CNTN5: variants seen among roughly 807,000 people sequenced by gnomAD.
CNTN5 encodes the protein contactin 5, also known as contactin-5.
Under a neutral mutation model 129.1 loss-of-function variants are expected in CNTN5, and 77 were observed. That is an observed-to-expected ratio of 0.60 (90% CI 0.50 to 0.72). The LOEUF (loss-of-function observed/expected upper bound fraction) is 0.72. Among genes scored for constraint, CNTN5 ranks in the 30% least tolerant of loss-of-function variants. The probability of loss-of-function intolerance (pLI) is 0.00; values close to 1 mark genes in which losing one functional copy is unlikely to be tolerated. For synonymous variants in CNTN5, 509 were observed against 465.6 expected (o/e 1.09, Z -1.20); for missense variants, 1,478 against 1,328.8 (o/e 1.11, Z -1.75).
At chr11:99,869,100 A>G (rs1948433294) in intron 6 of CNTN5, among the ~76,000 whole-genome samples, 1 of 152,032 alleles carries the variant, frequency 6.6e-6, no homozygotes, top group Non-Finnish European at 1.5e-5. Context: ...AAAAAATAAA[A>G]CTCGTTTTAC....
At chr11:99,357,845 ACT>A (rs1938790119) in intron 2 of CNTN5, among the ~76,000 whole-genome samples, 1 of 149,970 alleles carries the variant, frequency 6.7e-6, no homozygotes, top group Non-Finnish European at 1.5e-5. Flanking sequence ...CAATATTAAG[ACT>A]CTACTAGTGT....
intron 1 of CNTN5, among the ~76,000 whole-genome samples, chr11:99,026,212 A>G (rs1863100532): frequency 6.6e-6 from 1 of 151,632 alleles, no homozygotes; most frequent in South Asian, 2.1e-4. Context: ...CCCCAAATAT[A>G]TCTGAAAACA....
chr11:99,163,227 T>C (rs11218595), intron 1 of CNTN5, among the ~76,000 whole-genome samples: 16,194 of 152,192 alleles, frequency 0.11, 1,100 homozygotes, highest in East Asian at 0.35. Flanking sequence ...TTAATTTTAC[T>C]GAGATATGAC....
chr11:99,393,253 G>A (rs1941356087), intron 2 of CNTN5, among the ~76,000 whole-genome samples: 1 of 151,774 alleles, frequency 6.6e-6, no homozygotes, highest in Non-Finnish European at 1.5e-5. Context: ...GAAATTGGGT[G>A]TTGCAGCAAT....
chr11:99,872,144 A>G (rs1948519358), intron 6 of CNTN5, among the ~76,000 whole-genome samples: 1 of 152,152 alleles, frequency 6.6e-6, no homozygotes, highest in South Asian at 2.1e-4. Context: ...ATATCAAACA[A>G]AACATTTTGT....
intron 13 of CNTN5, among the ~76,000 whole-genome samples, chr11:100,078,309 A>G (rs1944225974): frequency 6.6e-6 from 1 of 152,172 alleles, no homozygotes; most frequent in Non-Finnish European, 1.5e-5. Flanking sequence ...GACTTTTAGA[A>G]AAAAATATGA....
At position 99,204,276 on chromosome 11, in the gene CNTN5, C is replaced by G. The variant is rs980019074; in HGVS notation, c.-209-121070C>G. Among the ~76,000 whole-genome samples the G allele has an allele frequency of 4.1e-4, 63 of 152,292 alleles. 1 individual carries two copies. The highest frequency in any genetic ancestry group is 1.5e-3 in the African/African-American group (62 of 41,554). ...TAAAGCAGTGTTTTTAAATTCTTGA[C>G]AGAATGGAGACAGAAAAACCATACA... On this transcript the variant is annotated intron_variant, in intron 1 of 24. Coordinates refer to ENST00000524871, the MANE Select transcript of CNTN5 (RefSeq NM_014361.4).
At chr11:99,600,484 C>T (rs540668078) in intron 3 of CNTN5, among the ~76,000 whole-genome samples, 8 of 152,224 alleles carry the variant, frequency 5.3e-5, no homozygotes, top group African/African-American at 1.9e-4. Context: ...ACTAACTTTG[C>T]CCACTTCAGC....
In CNTN5 at chr11:99,636,638, GTTC is replaced by G. The variant is rs1320899526; in HGVS notation, c.55+80374_55+80376del. On this transcript the variant is annotated intron_variant, in intron 3 of 24. Transcript: ENST00000524871. ...GACCAAGTCACTGTTAGTTGCCTGTGTTCTTCTACTAAAGGCCAAAACTTGATC... is the reference window on the plus strand; with the variant it reads ...GACCAAGTCACTGTTAGTTGCCTGTGTTCTACTAAAGGCCAAAACTTGATC... 3.3e-5 allele frequency among the ~76,000 whole-genome samples: 5 copies of G among 152,042 alleles called. No individual in the cohort carries two copies. In the East Asian group the frequency reaches 9.7e-4, roughly 30 times the overall value.
chr11:99,500,384 A>T (rs1326696801), intron 2 of CNTN5, among the ~76,000 whole-genome samples: 1 of 152,192 alleles, frequency 6.6e-6, no homozygotes, highest in East Asian at 1.9e-4. Context: ...TGGAAGATAA[A>T]CAAATGAGAT....
chr11:100,055,859 GCTCT>G (rs1320043521), intron 9 of CNTN5, among the ~76,000 whole-genome samples: 1 of 150,572 alleles, frequency 6.6e-6, no homozygotes, highest in Non-Finnish European at 1.5e-5. Flanking sequence ...TCTCTCTCTT[GCTCT>G]CACTCTCTCT....
At chr11:99,090,054 G>T (rs1172697331) in intron 1 of CNTN5, among the ~76,000 whole-genome samples, 2 of 152,084 alleles carry the variant, frequency 1.3e-5, no homozygotes, top group East Asian at 3.9e-4. Context: ...ATACCTTGGG[G>T]TATAATAAGT....
At chr11:99,884,498 A>G (rs757700047) in intron 6 of CNTN5, among the ~76,000 whole-genome samples, 21 of 152,184 alleles carry the variant, frequency 1.4e-4, no homozygotes, top group Non-Finnish European at 2.4e-4. Flanking sequence ...GCAGAAGAGA[A>G]CGGAAATAAT....
intron 3 of CNTN5, among the ~76,000 whole-genome samples, chr11:99,648,004 G>T (rs921527604): frequency 5.3e-5 from 8 of 151,736 alleles, no homozygotes; most frequent in African/African-American, 1.9e-4. Context: ...TTCCCTATTT[G>T]GATGTTCCTT....
At chr11:99,710,849 A>T (rs1320301310) in intron 3 of CNTN5, among the ~76,000 whole-genome samples, 1 of 151,916 alleles carries the variant, frequency 6.6e-6, no homozygotes, top group Non-Finnish European at 1.5e-5. Flanking sequence ...TTAGAAGTAA[A>T]TTTTATGTAT....
intron 1 of CNTN5, among the ~76,000 whole-genome samples, chr11:99,113,522 C>G (rs1476279653): frequency 6.6e-6 from 1 of 152,028 alleles, no homozygotes; most frequent in African/African-American, 2.4e-5. Flanking sequence ...CTGATAGGAA[C>G]CTTCTGAGGA....
intron 9 of CNTN5, among the ~76,000 whole-genome samples, chr11:100,020,224 GC>G (rs1417349974): frequency 6.6e-6 from 1 of 152,074 alleles, no homozygotes; most frequent in Non-Finnish European, 1.5e-5. Context: ...CAATCAAGAA[GC>G]TTTTTCCTCT....
chr11:99,144,189 A>G (rs1015105255), intron 1 of CNTN5, among the ~76,000 whole-genome samples: 1 of 152,196 alleles, frequency 6.6e-6, no homozygotes, highest in African/African-American at 2.4e-5. Context: ...AAAACTGGCC[A>G]TCATTTATTC....
chr11:99,878,790 G>T (rs564841583), intron 6 of CNTN5, among the ~76,000 whole-genome samples: 1 of 152,252 alleles, frequency 6.6e-6, no homozygotes, highest in African/African-American at 2.4e-5. Flanking sequence ...CGGAGGCAGA[G>T]GTTGCAGTGA....
Sources: allele counts gnomAD v4.1 joint callset (sites outside exome capture counted in the v4.1 genomes callset), GRCh38; gene constraint gnomAD v4.1.1; transcripts MANE v1.5; gene names NCBI Gene and HGNC (gene_info 2026-07-23, HGNC 2026-07-21).